The following CTNND2 variants were observed in gnomAD, a reference collection of about 807,000 sequenced individuals.
CTNND2 encodes catenin delta-2.
CTNND2 carries 22 observed loss-of-function variants against 144.4 expected under a neutral mutation model. The ratio of observed to expected loss-of-function variants is 0.15; its 90% CI spans 0.11 to 0.22. The LOEUF (loss-of-function observed/expected upper bound fraction) is 0.22. Ranked by LOEUF, CTNND2 falls within the 10% of genes least tolerant of loss-of-function variation. The probability of loss-of-function intolerance (pLI) is 1.00; values close to 1 mark genes in which losing one functional copy is unlikely to be tolerated. For synonymous variants in CTNND2, 751 were observed against 695.6 expected (o/e 1.08, Z -1.25); for missense variants, 1,353 against 1,618.8 (o/e 0.84, Z 2.82).
intron 3 of CTNND2, among the ~76,000 whole-genome samples, chr5:11,470,574 C>T (rs1561440822): frequency 6.6e-6 from 1 of 152,062 alleles, no homozygotes; most frequent in South Asian, 2.1e-4. Flanking sequence ...TGACTAAAGT[C>T]CTTGGTTTAT....
intron 1 of CTNND2, among the ~76,000 whole-genome samples, chr5:11,833,526 TG>T (rs1381997622): frequency 6.6e-6 from 1 of 152,040 alleles, no homozygotes; most frequent in African/African-American, 2.4e-5. Flanking sequence ...GAAACTATTT[TG>T]TTTTTTTTTG....
chr5:11,396,875 C>A (rs573162514), intron 6 of CTNND2, among the ~76,000 whole-genome samples, 156 bp downstream of exon 6: 7 of 152,246 alleles, frequency 4.6e-5, no homozygotes, highest in African/African-American at 1.7e-4. Context: ...TATTTATTTT[C>A]TTCATTCACA....
At chr5:11,284,094 C>T (rs1254310074) in intron 9 of CTNND2, among the ~76,000 whole-genome samples, 1 of 152,110 alleles carries the variant, frequency 6.6e-6, no homozygotes, top group Non-Finnish European at 1.5e-5. Flanking sequence ...TCACGCTCCT[C>T]TCTATTAGGA....
intron 1 of CTNND2, among the ~76,000 whole-genome samples, chr5:11,893,446 T>G (rs1186641382): frequency 1.3e-5 from 2 of 152,220 alleles, no homozygotes; most frequent in African/African-American, 4.8e-5. Flanking sequence ...AAATTAAATT[T>G]GTCCAGTTTG....
chr5:11,849,406 C>G (rs1481894537), intron 1 of CTNND2, among the ~76,000 whole-genome samples: 2 of 152,100 alleles, frequency 1.3e-5, no homozygotes, highest in African/African-American at 2.4e-5. Context: ...GAGCCATGAT[C>G]AGTAGAACGT....
intron 10 of CTNND2, among the ~76,000 whole-genome samples, chr5:11,214,423 T>C (rs985105658): frequency 6.6e-6 from 1 of 152,226 alleles, no homozygotes; most frequent in African/African-American, 2.4e-5. Context: ...GCATACAATT[T>C]TTCTCCAGAC....
intron 9 of CTNND2, among the ~76,000 whole-genome samples, chr5:11,279,168 G>C (rs1223404394): frequency 6.6e-6 from 1 of 152,112 alleles, no homozygotes; most frequent in Non-Finnish European, 1.5e-5. Context: ...ACAAATACCT[G>C]TTGATTTTAT....
intron 2 of CTNND2, among the ~76,000 whole-genome samples, chr5:11,621,970 G>A (rs1415917009): frequency 6.6e-6 from 1 of 152,100 alleles, no homozygotes; most frequent in African/African-American, 2.4e-5. Context: ...AGTATTTTTA[G>A]ATGAAATATT....
At position 11,601,955 on chromosome 5, in the gene CTNND2, G is replaced by A. The variant is rs528580609; in HGVS notation, c.175-36899C>T. On this transcript the variant is annotated intron_variant, in intron 2 of 21. Transcript: ENST00000304623. ...ACCTGTTCAACTCAAATCTGCCCCC[G>A]CCAAACACTCTAGAAGATTTCGCCA... 6.6e-5 allele frequency among the ~76,000 whole-genome samples: 10 copies of A among 151,942 alleles called. 1 individual carries two copies. In the South Asian group the frequency reaches 1.0e-3, roughly 16 times the overall value.
At chr5:11,023,033 A>G in intron 16 of CTNND2, 54 bp from the exon 17 acceptor site, 15 of 1,531,206 alleles carry the variant, frequency 9.8e-6, no homozygotes, top group Non-Finnish European at 1.3e-5. Context: ...GAAGGCAGAG[A>G]TAGTGGCAGA....
chr5:11,607,060 T>A (rs924061217), intron 2 of CTNND2, among the ~76,000 whole-genome samples: 1 of 152,174 alleles, frequency 6.6e-6, no homozygotes, highest in Admixed American at 6.5e-5. Flanking sequence ...TATATGAAGA[T>A]GAAGTCAGAG....
intron 16 of CTNND2, among the ~76,000 whole-genome samples, chr5:11,076,238 C>CA (rs1309725261): frequency 6.6e-6 from 1 of 152,172 alleles, no homozygotes; most frequent in Non-Finnish European, 1.5e-5. Flanking sequence ...TAGCCTTTAT[C>CA]AGGAAAGGCC....
chr5:11,901,806 C>T (rs375244728), intron 1 of CTNND2, among the ~76,000 whole-genome samples: 1 of 152,298 alleles, frequency 6.6e-6, no homozygotes, highest in South Asian at 2.1e-4. Flanking sequence ...GGTACACACA[C>T]AGGCACAGAG....
intron 1 of CTNND2, among the ~76,000 whole-genome samples, chr5:11,773,536 G>A (rs942363141): frequency 1.3e-5 from 2 of 152,158 alleles, no homozygotes; most frequent in Admixed American, 6.5e-5. Context: ...CAACAGGGCT[G>A]GGCGTGGTGG....
rs61751780 is a variant in CTNND2 at position 11,199,754 on chromosome 5, A to G, written c.1762-93T>C. The G allele has an allele frequency of 2.7e-4, 242 of 906,344 alleles. No homozygotes were observed. In the African/African-American group the frequency reaches 3.5e-3, roughly 13 times the overall value. The allele number at this position is 906,344 out of a possible 1,614,324, so 56.1% of individuals were successfully genotyped here. ...TTTTCATATAAAGTATCTGCTAACA[A>G]TTAATCGCACCAAACTGAATTAAGG... is the stretch of plus-strand genomic sequence containing the variant. On this transcript the variant is annotated intron_variant, in intron 10 of 21. Transcript: ENST00000304623.
chr5:11,474,998 C>G (rs1289906250), intron 3 of CTNND2, among the ~76,000 whole-genome samples: 4 of 152,200 alleles, frequency 2.6e-5, no homozygotes, highest in African/African-American at 9.6e-5. Context: ...ATCAGCAGAA[C>G]TGTGCTGCCT....
At chr5:11,699,684 CCTT>C (rs1785332172) in intron 2 of CTNND2, among the ~76,000 whole-genome samples, 2 of 152,190 alleles carry the variant, frequency 1.3e-5, no homozygotes, top group Admixed American at 6.5e-5. Flanking sequence ...AACTCTCCTT[CCTT>C]CTTCTTATTG....
At chr5:11,893,483 A>T (rs767678297) in intron 1 of CTNND2, among the ~76,000 whole-genome samples, 1 of 152,226 alleles carries the variant, frequency 6.6e-6, no homozygotes, top group Non-Finnish European at 1.5e-5. Flanking sequence ...ATCAATAAAC[A>T]GTGGACTCGC....
chr5:11,870,430 T>C (rs1229831591), intron 1 of CTNND2, among the ~76,000 whole-genome samples: 2 of 152,290 alleles, frequency 1.3e-5, no homozygotes, highest in African/African-American at 4.8e-5. Context: ...TCAGTTAAGA[T>C]GGAATGACAG....
Sources: allele counts gnomAD v4.1 joint callset (sites outside exome capture counted in the v4.1 genomes callset), GRCh38; gene constraint gnomAD v4.1.1; transcripts MANE v1.5; gene names NCBI Gene and HGNC (gene_info 2026-07-23, HGNC 2026-07-21).